The following CDH4 variants were observed in gnomAD, a reference collection of about 807,000 sequenced individuals.
CDH4 encodes cadherin 4.
A neutral mutation model predicts 86.0 loss-of-function variants in CDH4; 33 were observed. That is an observed-to-expected ratio of 0.38 (90% confidence interval 0.29 to 0.51). The LOEUF (loss-of-function observed/expected upper bound fraction) is 0.51. Ranked by LOEUF, CDH4 falls within the 20% of genes least tolerant of loss-of-function variation. The pLI is 0.86. For missense variants in CDH4, 1,114 were observed against 1,307.4 expected, an observed-to-expected ratio of 0.85 and a Z score of 2.28; for synonymous variants, 555 against 549.4, an observed-to-expected ratio of 1.01 and a Z score of -0.14.
In CDH4 at chr20:61,629,138, C is replaced by T. The variant is rs572226523; in HGVS notation, c.170-114425C>T. ...CAGCTGCCACTTTGCATAGCTGCGC[C>T]GTGGAGAGCAGAGAGGGGCTGGGAG... On this transcript the variant is annotated intron_variant, in intron 2 of 15. Transcript: ENST00000614565. Among the ~76,000 whole-genome samples, 15 of 152,340 alleles carry T rather than the reference C, an allele frequency of 9.8e-5. No homozygotes were observed. In the South Asian group the frequency reaches 2.3e-3, roughly 23 times the overall value.
At chr20:61,841,935 C>T (rs972736894) in intron 4 of CDH4, among the ~76,000 whole-genome samples, 1 of 152,194 alleles carries the variant, frequency 6.6e-6, no homozygotes, top group East Asian at 1.9e-4. Context: ...ATGAGACAGC[C>T]TTGGGGTGGC....
At chr20:61,673,649 C>G (rs1182476104) in intron 2 of CDH4, among the ~76,000 whole-genome samples, 1 of 152,216 alleles carries the variant, frequency 6.6e-6, no homozygotes, top group Non-Finnish European at 1.5e-5. Flanking sequence ...GGGTGACCAG[C>G]CTGGCAGGCT....
chr20:61,587,957 T>C (rs1033655103), intron 2 of CDH4, among the ~76,000 whole-genome samples: 1 of 152,224 alleles, frequency 6.6e-6, no homozygotes, highest in African/African-American at 2.4e-5. Flanking sequence ...TTCATGTGTT[T>C]ACTTTCCTGT....
intron 2 of CDH4, among the ~76,000 whole-genome samples, chr20:61,371,144 G>A (rs1037173668): frequency 3.9e-5 from 6 of 152,204 alleles, no homozygotes; most frequent in Admixed American, 1.3e-4. Context: ...GATTGCAGCC[G>A]GGAGCTCGGA....
chr20:61,931,599 G>A (rs1380464656), intron 13 of CDH4, among the ~76,000 whole-genome samples: 1 of 152,238 alleles, frequency 6.6e-6, no homozygotes, highest in Non-Finnish European at 1.5e-5. Context: ...CTGTGACATG[G>A]GAGGTGACGG....
chr20:61,912,922 C>T (rs1475955633), intron 9 of CDH4, among the ~76,000 whole-genome samples: 1 of 152,226 alleles, frequency 6.6e-6, no homozygotes, highest in Non-Finnish European at 1.5e-5. Context: ...TCGTCAGCTG[C>T]TTTGCTGGCA....
At chr20:61,898,280 G>A (rs758158423) in intron 8 of CDH4, among the ~76,000 whole-genome samples, 1 of 152,236 alleles carries the variant, frequency 6.6e-6, no homozygotes, top group African/African-American at 2.4e-5. Flanking sequence ...AGATGCAGGG[G>A]ATTTGCATGA....
chr20:61,914,649 C>G (rs187803652), intron 9 of CDH4, among the ~76,000 whole-genome samples: 1 of 151,748 alleles, frequency 6.6e-6, no homozygotes, highest in African/African-American at 2.4e-5. Flanking sequence ...ACAAACATAG[C>G]CCCTGCCTGG....
intron 2 of CDH4, among the ~76,000 whole-genome samples, chr20:61,702,069 C>G (rs2087782553): frequency 6.6e-6 from 1 of 152,196 alleles, no homozygotes; most frequent in Non-Finnish European, 1.5e-5. Flanking sequence ...GTCTGCAAGA[C>G]AGAAATTGGA....
intron 2 of CDH4, among the ~76,000 whole-genome samples, chr20:61,519,156 C>T (rs2085849450): frequency 6.6e-6 from 1 of 152,232 alleles, no homozygotes. Context: ...GGACCCTTGG[C>T]ATCCCATTCA....
chr20:61,325,935 C>T (rs1311496922), intron 2 of CDH4, among the ~76,000 whole-genome samples: 1 of 152,178 alleles, frequency 6.6e-6, no homozygotes, highest in Non-Finnish European at 1.5e-5. Flanking sequence ...CTGGTCAGTG[C>T]CGTGCCATTC....
chr20:61,741,413 T>A (rs1339471985), intron 2 of CDH4, among the ~76,000 whole-genome samples: 1 of 152,182 alleles, frequency 6.6e-6, no homozygotes, highest in Non-Finnish European at 1.5e-5. Flanking sequence ...GTTTCCTGCC[T>A]GGTCATTCAG....
intron 2 of CDH4, among the ~76,000 whole-genome samples, chr20:61,509,129 GC>G (rs1226185840): frequency 6.6e-6 from 1 of 152,126 alleles, no homozygotes; most frequent in Non-Finnish European, 1.5e-5. Context: ...AGGCACAAAG[GC>G]CGTGGCATCC....
chr20:61,757,377 A>G (rs746396106), intron 3 of CDH4, among the ~76,000 whole-genome samples: 3 of 152,210 alleles, frequency 2.0e-5, no homozygotes, highest in Non-Finnish European at 4.4e-5. Context: ...GACTATTGGA[A>G]TTGGTCTTGC....
At position 61,923,313 on chromosome 20, in the gene CDH4, T is replaced by C. The variant is rs572272028; in HGVS notation, c.1375-138T>C. The C allele has an allele frequency of 6.9e-6, 6 of 866,018 alleles. No individual in the cohort carries two copies. The East Asian group carries it at 1.2e-4, about 18-fold the overall frequency. The allele number at this position is 866,018 out of a possible 1,614,324, so 53.6% of individuals were successfully genotyped here. ...CTGGGAGATGGGACCCTTTGGGGCC[T>C]CCTGGCTAAAGAGCAGAGCAGAGAA... On this transcript the variant is annotated intron_variant, in intron 9 of 15. Transcript: ENST00000614565.
chr20:61,887,153 C>T (rs1051348791), intron 7 of CDH4, among the ~76,000 whole-genome samples: 10 of 152,078 alleles, frequency 6.6e-5, no homozygotes, highest in African/African-American at 2.4e-4. Flanking sequence ...GAGATGGGCA[C>T]AGTGATGAGG....
At chr20:61,873,116 C>T (rs761486088) in intron 6 of CDH4, among the ~76,000 whole-genome samples, 99 of 152,350 alleles carry the variant, frequency 6.5e-4, no homozygotes, top group Middle Eastern at 6.8e-3. Context: ...GGCAGCTCAC[C>T]GAGCCCCTCT....
chr20:61,671,342 A>G (rs2087384846), intron 2 of CDH4, among the ~76,000 whole-genome samples: 1 of 152,188 alleles, frequency 6.6e-6, no homozygotes. Flanking sequence ...AATTAATTTT[A>G]AAAATTAGCT....
chr20:61,628,574 A>T (rs1025526038), intron 2 of CDH4, among the ~76,000 whole-genome samples: 1 of 152,336 alleles, frequency 6.6e-6, no homozygotes, highest in African/African-American at 2.4e-5. Context: ...TTCCTGCTAC[A>T]GGAGAACGCC....
Sources: allele counts gnomAD v4.1 joint callset (sites outside exome capture counted in the v4.1 genomes callset), GRCh38; gene constraint gnomAD v4.1.1; transcripts MANE v1.5; gene names NCBI Gene and HGNC (gene_info 2026-07-23, HGNC 2026-07-21).